Variants in SPATA18 observed in about 807,000 individuals in gnomAD.
SPATA18 encodes spermatogenesis associated 18, also known as mitochondria-eating protein.
A neutral mutation model predicts 68.1 loss-of-function variants in SPATA18; 54 were observed. That is an observed-to-expected ratio of 0.79 (90% CI 0.64 to 0.99). The LOEUF is 0.99. Ranked by LOEUF, SPATA18 falls within the 50% of genes least tolerant of loss-of-function variation. SPATA18 has a pLI of 0.00. For missense variants in SPATA18, 724 were observed against 681.1 expected (o/e 1.06, Z -0.70); for synonymous variants, 242 against 244.8 (o/e 0.99, Z 0.11).
intron 4 of SPATA18, among the ~76,000 whole-genome samples, chr4:52,066,299 C>A (rs1184349292): frequency 6.6e-6 from 1 of 151,990 alleles, no homozygotes; most frequent in African/African-American, 2.4e-5. Flanking sequence ...TACAGGCACC[C>A]GCCACCATGC....
At chr4:52,067,878 A>G (rs1476406719) in intron 4 of SPATA18, among the ~76,000 whole-genome samples, 1 of 152,200 alleles carries the variant, frequency 6.6e-6, no homozygotes. Context: ...TATCCCCAGT[A>G]CTGAGCATCA....
chr4:52,086,230 C>T (rs1741420803), intron 11 of SPATA18, among the ~76,000 whole-genome samples: 1 of 152,136 alleles, frequency 6.6e-6, no homozygotes, highest in South Asian at 2.1e-4. Context: ...AACCAAAAAC[C>T]CCTGCAGTTG....
chr4:52,055,021 A>G (rs1738217777), intron 1 of SPATA18, among the ~76,000 whole-genome samples: 1 of 152,112 alleles, frequency 6.6e-6, no homozygotes, highest in Non-Finnish European at 1.5e-5. Context: ...TTTTAACAGT[A>G]GCTTCATGCA....
intron 4 of SPATA18, among the ~76,000 whole-genome samples, chr4:52,065,824 A>G (rs1256493818): frequency 6.6e-6 from 1 of 152,210 alleles, no homozygotes; most frequent in Non-Finnish European, 1.5e-5. Flanking sequence ...GCAAATGGCC[A>G]CAAGTCTGCA....
intron 4 of SPATA18, 109 bp from the exon 5 acceptor site, chr4:52,069,712 T>G (rs1466294538): frequency 1.6e-5 from 9 of 568,510 alleles, no homozygotes; most frequent in Non-Finnish European, 2.5e-5. Flanking sequence ...TGATCTTGTT[T>G]ATGTTGAACT....
At chr4:52,058,029 A>C (rs1738499859) in intron 1 of SPATA18, among the ~76,000 whole-genome samples, 1 of 152,240 alleles carries the variant, frequency 6.6e-6, no homozygotes, top group Admixed American at 6.5e-5. Context: ...ATCTAGCCAG[A>C]GGGCAAAAGG....
At chr4:52,078,477 G>C in intron 7 of SPATA18, 1 of 335,808 alleles carries the variant, frequency 3.0e-6, no homozygotes, top group Non-Finnish European at 5.5e-6. Flanking sequence ...TTTCTGCACT[G>C]TCCTGCTTCC....
chr4:52,064,186 T>TATATAC (rs1193773615), intron 4 of SPATA18, among the ~76,000 whole-genome samples: 1 of 148,684 alleles, frequency 6.7e-6, no homozygotes, highest in Non-Finnish European at 1.5e-5. Flanking sequence ...TCTCTTTCTA[T>TATATAC]ATATATATAT....
chr4:52,053,534 T>A (rs974244010), intron 1 of SPATA18, among the ~76,000 whole-genome samples: 1 of 152,230 alleles, frequency 6.6e-6, no homozygotes, highest in Non-Finnish European at 1.5e-5. Context: ...TGTTCCCATC[T>A]GAGCTCTCAC....
intron 11 of SPATA18, among the ~76,000 whole-genome samples, chr4:52,090,896 CATT>C (rs2109536860): frequency 1.3e-5 from 2 of 152,226 alleles, no homozygotes; most frequent in African/African-American, 4.8e-5. Flanking sequence ...AGCTTGGTTC[CATT>C]CTCCCCATCA....
intron 6 of SPATA18, among the ~76,000 whole-genome samples, chr4:52,074,789 G>A (rs989484874): frequency 6.6e-6 from 1 of 152,174 alleles, no homozygotes; most frequent in Non-Finnish European, 1.5e-5. Context: ...ATGGTGGGGG[G>A]AGTACTAAGA....
At chr4:52,052,661 G>T (rs570163251) in intron 1 of SPATA18, among the ~76,000 whole-genome samples, 28 of 152,326 alleles carry the variant, frequency 1.8e-4, no homozygotes, top group African/African-American at 6.5e-4. Flanking sequence ...CTGAATGACG[G>T]AGTCAAATTA....
In SPATA18 at chr4:52,084,912, T is replaced by A. The variant is rs200378769; in HGVS notation, c.1480-4T>A. ...TGTCTCTCTCTTTCTCTCTCTTTTT[T>A]AAGTGGAATTCGGTGCGATCTGTAA... On this transcript the variant is annotated splice_region_variant and splice_polypyrimidine_tract_variant and intron_variant, in intron 10 of 12. Coordinates refer to ENST00000295213, the MANE Select transcript of SPATA18 (RefSeq NM_145263.4). 3.1e-6 allele frequency: 5 copies of A among 1,613,946 alleles called. No individual in the cohort carries two copies. The highest frequency in any genetic ancestry group is 4.2e-6 in the Non-Finnish European group (5 of 1,179,882).
At chr4:52,056,514 G>C (rs754502184) in intron 1 of SPATA18, among the ~76,000 whole-genome samples, 1 of 152,046 alleles carries the variant, frequency 6.6e-6, no homozygotes, top group Admixed American at 6.6e-5. Flanking sequence ...TAATTATTAG[G>C]TACCACTACT....
At position 52,095,636 on chromosome 4, in the gene SPATA18, T is replaced by C. The variant is rs1742358151; in HGVS notation, c.*749T>C. 1 of 152,220 alleles carries C rather than the reference T, an allele frequency of 6.6e-6. No individual in the cohort carries two copies. Among genetic ancestry groups the C allele is most frequent in the East Asian group, 1.9e-4 (1 of 5,198 alleles). 9.4% of individuals were successfully genotyped at this position (152,220 alleles called of 1,614,324 possible). A position where few individuals can be genotyped will look rare whatever the true frequency, so the allele number is the denominator to read the frequency against. ...AGCCAGCTTTGAGATAAATGTTAAT[T>C]ACCTCATGCATATCTCCTGGGAATA... On this transcript the variant is annotated 3_prime_UTR_variant, in exon 13 of 13. Transcript: ENST00000295213.
At chr4:52,091,842 G>T (rs1741989645) in intron 11 of SPATA18, among the ~76,000 whole-genome samples, 1 of 152,150 alleles carries the variant, frequency 6.6e-6, no homozygotes, top group South Asian at 2.1e-4. Context: ...CATCAGGCTG[G>T]GACGTTTAAG....
rs959854216 is a variant in SPATA18 at position 52,058,182 on chromosome 4, C to T, written c.88-2237C>T. 2.6e-5 allele frequency among the ~76,000 whole-genome samples: 4 copies of T among 152,330 alleles called. No individual in the cohort carries two copies. In the East Asian group the frequency reaches 7.7e-4, roughly 29 times the overall value. On this transcript the variant is annotated intron_variant, in intron 1 of 12. Transcript: ENST00000295213. ...AATGCTCTATCATGTCAACATTACA[C>T]TGTTAAATTATTCATTCATCAACGT...
At position 52,079,913 on chromosome 4, in the gene SPATA18, A is replaced by C. The variant is rs1442775947; in HGVS notation, c.1349A>C (p.Asp450Ala). ...GGAGCAGATGGAGAAGTTTTTAATG[A>C]TTGCAAGTAAGAGACACAGGAGCAG... is the stretch of plus-strand genomic sequence containing the variant. ...AYGADGEVFN[D>A]CKYRRSYDSD... is the part of the protein sequence containing the mutation. The change falls in exon 9 of 13, where the codon GAT (aspartate) becomes GCT (alanine). Residue 450 changes from aspartate (D) to alanine (A), a missense_variant. Asp to Ala is a moderately radical substitution (Grantham distance 126). Transcript: ENST00000295213. 1 of 1,611,862 alleles carries C rather than the reference A, an allele frequency of 6.2e-7. No homozygotes were observed. The highest frequency in any genetic ancestry group is 8.5e-7 in the Non-Finnish European group (1 of 1,179,142).
At chr4:52,057,785 T>C (rs1738478734) in intron 1 of SPATA18, among the ~76,000 whole-genome samples, 1 of 152,232 alleles carries the variant, frequency 6.6e-6, no homozygotes, top group Admixed American at 6.5e-5. Context: ...TGCTACCTCA[T>C]AGGTGCCAAT....
Sources: gnomAD v4.1 joint callset for allele counts (sites outside exome capture counted in the v4.1 genomes callset) on GRCh38, gnomAD v4.1.1 for gene constraint, MANE v1.5 for transcripts, NCBI Gene and HGNC (gene_info 2026-07-23, HGNC 2026-07-21) for gene names.